EIF2B4: variants seen among roughly 807,000 people sequenced by gnomAD.
EIF2B4 encodes translation initiation factor eIF2B subunit delta.
In EIF2B4, 34 loss-of-function variants were observed where a neutral mutation model predicts 66.7. The ratio of observed to expected loss-of-function variants is 0.51; its 90% confidence interval spans 0.39 to 0.68. EIF2B4 has a LOEUF of 0.68. Among genes scored for constraint, EIF2B4 ranks in the 30% least tolerant of loss-of-function variants. EIF2B4 has a pLI of 0.00. For synonymous variants in EIF2B4, 278 were observed against 253.6 expected (o/e 1.10, Z -0.92); for missense variants, 618 against 657.9 (o/e 0.94, Z 0.66).
At chr2:27,366,324 C>G (rs1041627191) in intron 11 of EIF2B4, 1 of 271,602 alleles carries the variant, frequency 3.7e-6, no homozygotes, top group East Asian at 9.1e-5. Context: ...ATCCTCCTGC[C>G]TTAGTGCTGA....
chr2:27,369,740 G>A (rs1447251090), intron 2 of EIF2B4, 136 bp downstream of exon 2: 2 of 1,436,824 alleles, frequency 1.4e-6, no homozygotes, highest in East Asian at 2.4e-5. Context: ...TATCCCTAGG[G>A]TTGCAAGACC....
In EIF2B4 at chr2:27,364,357, G is replaced by C. The variant is rs756863469; in HGVS notation, c.*43C>G. 8.8e-6 allele frequency: 14 copies of C among 1,593,064 alleles called. No individual in the cohort carries two copies. Among genetic ancestry groups the C allele is most frequent in the Non-Finnish European group, 1.1e-5 (13 of 1,164,366 alleles). The stretch of plus-strand genomic sequence containing the variant: ...GAGAAACAAAGGCAGCAGAGTTGCT[G>C]AGGGTAGGGAGTATGGCATTTATTA... On this transcript the variant is annotated 3_prime_UTR_variant, in exon 13 of 13. Coordinates refer to ENST00000347454, the MANE Select transcript of EIF2B4 (RefSeq NM_001034116.2).
rs1467062731 is a variant in EIF2B4, at chr2:27,368,676, A to G, written c.476T>C (p.Val159Ala). ...QVDDLLLRRLVKKPERQQVPT... is the reference protein window; with the variant it reads ...QVDDLLLRRLAKKPERQQVPT... ...TACCTGTTGACGCTCTGGTTTTTTA[A>G]CAAGCCTTCTCAGAAGTAGGTCATC... The change falls in exon 5 of 13, where the codon GTT (valine) becomes GCT (alanine). Residue 159 changes from valine (V) to alanine (A), a missense_variant. By Grantham distance (64) the Val-to-Ala change is moderately conservative (BLOSUM62 0). This residue lies in a region of EIF2B4 where 506 missense variants were observed against 511.9 expected (regional missense o/e 0.99). Coordinates refer to ENST00000347454, the MANE Select transcript of EIF2B4 (RefSeq NM_001034116.2). 1 of 1,613,986 alleles carries G rather than the reference A, an allele frequency of 6.2e-7. No homozygotes were observed. The highest frequency in any genetic ancestry group is 1.3e-5 in the African/African-American group (1 of 74,894).
intron 6 of EIF2B4, 81 bp from the exon 7 acceptor site, chr2:27,368,220 C>G (rs1438978404): frequency 7.5e-7 from 1 of 1,338,442 alleles, no homozygotes. Context: ...AAAGGAACTC[C>G]CTTCACTAGC....
Position 27,368,668 on chromosome 2 carries a change from GTTT to G in EIF2B4, c.481_483del (p.Lys161del), listed in dbSNP as rs1413406108. 2.5e-6 allele frequency: 4 copies of G among 1,614,140 alleles called. No individual in the cohort carries two copies. In the Middle Eastern group the frequency reaches 4.9e-4, roughly 200 times the overall value. On this transcript the variant is annotated inframe_deletion, in exon 5 of 13. Coordinates refer to ENST00000347454, the MANE Select transcript of EIF2B4 (RefSeq NM_001034116.2). ...CCACTTCCTACCTGTTGACGCTCTG[GTTT>G]TTTAACAAGCCTTCTCAGAAGTAGG...
rs1682121708 is a variant in EIF2B4 at position 27,369,123 on chromosome 2, G to C, written c.301C>G (p.Arg101Gly). 1 of 1,613,756 alleles carries C rather than the reference G, an allele frequency of 6.2e-7. No individual in the cohort carries two copies. Among genetic ancestry groups the C allele is most frequent in the African/African-American group, 1.3e-5 (1 of 74,804 alleles). The change falls in exon 4 of 13, where the codon CGG becomes GGG. Residue 101 changes from arginine to glycine, a missense_variant. Arg to Gly is a moderately radical substitution (Grantham distance 125, BLOSUM62 -2). This residue lies in a region of EIF2B4 where 506 missense variants were observed against 511.9 expected (regional missense o/e 0.99). Transcript: ENST00000347454. ...TCCTGCTTGGCTCGACGCTCAGCCC[G>C]AAGTTCGGCCTTACTCCGACCAGCT... ...VPAGRSKAEL[R>G]AERRAKQEAE...
chr2:27,367,771 C>T lies in EIF2B4; in HGVS notation c.757G>A (p.Val253Met), dbSNP rs940528953. The change falls in exon 8 of 13, where the codon GTG becomes ATG. Residue 253 changes from valine to methionine, a missense_variant. Transcript: ENST00000347454. Reference protein sequence around the residue: ...PPNEELSRDLVNKLKPYMSFL... With the variant: ...PPNEELSRDLMNKLKPYMSFL... ...CTCATGTAGGGTTTTAGTTTATTCA[C>T]TAGATCCCTGGAGAGTTCTTCATTA... 1.2e-6 allele frequency: 2 copies of T among 1,614,022 alleles called. No individual in the cohort carries two copies. The highest frequency in any genetic ancestry group is 1.7e-6 in the Non-Finnish European group (2 of 1,180,022).
chr2:27,364,993 A>C, intron 11 of EIF2B4, 95 bp from the exon 12 acceptor site: 11 of 1,216,532 alleles, frequency 9.0e-6, no homozygotes, highest in Middle Eastern at 1.9e-4. Context: ...TAAGACAAGT[A>C]ATAAATCTCA....
At chr2:27,365,152 G>T (rs922466275) in intron 11 of EIF2B4, 2 of 418,650 alleles carry the variant, frequency 4.8e-6, no homozygotes, top group Non-Finnish European at 4.5e-6. Flanking sequence ...TGCCTCCTGG[G>T]TTCAAGTGAT....
intron 12 of EIF2B4, 56 bp from the exon 13 acceptor site, chr2:27,364,655 C>T (rs1444055867): frequency 1.1e-5 from 17 of 1,613,880 alleles, no homozygotes; most frequent in Middle Eastern, 1.6e-4. Flanking sequence ...CTAGTTTATC[C>T]GCCCCTCTCC....
intron 4 of EIF2B4, 64 bp from the exon 5 acceptor site, chr2:27,368,797 G>C: frequency 1.9e-6 from 3 of 1,561,276 alleles, no homozygotes; most frequent in Non-Finnish European, 2.6e-6. Context: ...TTGCTCTTAG[G>C]GTATAAGGGG....
At position 27,364,750 on chromosome 2, in the gene EIF2B4, A is replaced by G; in HGVS notation, c.1340T>C (p.Val447Ala). Residue 447 changes from valine (V) to alanine (A), a missense_variant, in exon 12 of 13, where the codon GTG becomes GCG. Physicochemically the swap from Val to Ala is moderately conservative, Grantham distance 64. Coordinates refer to ENST00000347454, the MANE Select transcript of EIF2B4 (RefSeq NM_001034116.2). ...CCETYKFCER[V>A]QTDAFVSNEL... ...ATTAGAGACAAAGGCATCAGTCTGCACACGCTCACAGAACTTGTATGTTTC... is the reference window on the plus strand; with the variant it reads ...ATTAGAGACAAAGGCATCAGTCTGCGCACGCTCACAGAACTTGTATGTTTC... The G allele has an allele frequency of 6.2e-7, 1 of 1,614,200 alleles. No homozygotes were observed. The highest frequency in any genetic ancestry group is 8.5e-7 in the Non-Finnish European group (1 of 1,180,030).
intron 11 of EIF2B4, 29 bp downstream of exon 11, chr2:27,366,730 A>C (rs1450873281): frequency 6.2e-7 from 1 of 1,613,850 alleles, no homozygotes; most frequent in Non-Finnish European, 8.5e-7. Context: ...TTCACCGCCA[A>C]CTTTGGAGTC....
rs914750494 is a variant in EIF2B4 at position 27,368,562 on chromosome 2, A to G, written c.498+92T>C. ...ACAGTAAGACTACTCTGACCCAAGC[A>G]CCTATCCTTCTCACTTTGCACCCAG... is the stretch of plus-strand genomic sequence containing the variant. On this transcript the variant is annotated intron_variant, in intron 5 of 12. Coordinates refer to ENST00000347454, the MANE Select transcript of EIF2B4 (RefSeq NM_001034116.2). The G allele has an allele frequency of 1.9e-6, 3 of 1,562,270 alleles. No homozygotes were observed. In the Middle Eastern group the frequency reaches 5.0e-4, roughly 261 times the overall value.
At position 27,364,749 on chromosome 2, in the gene EIF2B4, C is replaced by T; in HGVS notation, c.1341G>A (p.Val447=). 6.2e-7 allele frequency: 1 copy of T among 1,614,212 alleles called. No individual in the cohort carries two copies. The highest frequency in any genetic ancestry group is 8.5e-7 in the Non-Finnish European group (1 of 1,180,042). ...CATTAGAGACAAAGGCATCAGTCTG[C>T]ACACGCTCACAGAACTTGTATGTTT... ...CCETYKFCER[V]QTDAFVSNEL... Residue 447 remains valine (V), a synonymous_variant, in exon 12 of 13, where the codon GTG becomes GTA. Coordinates refer to ENST00000347454, the MANE Select transcript of EIF2B4 (RefSeq NM_001034116.2).
At position 27,369,278 on chromosome 2, in the gene EIF2B4, T is replaced by C. The variant is rs1682144374; in HGVS notation, c.212-66A>G. 6 of 1,606,380 alleles carry C rather than the reference T, an allele frequency of 3.7e-6. No individual in the cohort carries two copies. The Admixed American group carries it at 8.3e-5, about 22-fold the overall frequency. ...GTGATATCCGTGCCCCAGCTAAAAC[T>C]AGCTTCTCTCCTTGTAAACCTCTTT... On this transcript the variant is annotated intron_variant, in intron 3 of 12. Coordinates refer to ENST00000347454, the MANE Select transcript of EIF2B4 (RefSeq NM_001034116.2).
At chr2:27,369,679 C>T (rs1049303079) in intron 2 of EIF2B4, 130 bp from the exon 3 acceptor site, 6 of 1,537,992 alleles carry the variant, frequency 3.9e-6, no homozygotes, top group Non-Finnish European at 5.4e-6. Flanking sequence ...CTACCTGTTG[C>T]AAGCTTACAT....
At chr2:27,366,737 A>G in intron 11 of EIF2B4, 22 bp downstream of exon 11, 1 of 1,614,062 alleles carries the variant, frequency 6.2e-7, no homozygotes, top group Non-Finnish European at 8.5e-7. Context: ...CCAACTTTGG[A>G]GTCCTTTTCC....
rs775819795 is a variant in EIF2B4 at position 27,368,662 on chromosome 2, G to A, written c.490C>T (p.Arg164Cys). The A allele has an allele frequency of 7.4e-6, 12 of 1,613,958 alleles. No individual in the cohort carries two copies. The highest frequency in any genetic ancestry group is 3.3e-5 in the Admixed American group (2 of 59,988). The change falls in exon 5 of 13, where the codon CGT becomes TGT. Residue 164 changes from arginine (R) to cysteine (C), a missense_variant. Arg to Cys is a radical substitution (Grantham distance 180). This residue lies in a region of EIF2B4 where 506 missense variants were observed against 511.9 expected (regional missense o/e 0.99). Transcript: ENST00000347454. ...CCAAACCCACTTCCTACCTGTTGACGCTCTGGTTTTTTAACAAGCCTTCTC... is the reference window on the plus strand; with the variant it reads ...CCAAACCCACTTCCTACCTGTTGACACTCTGGTTTTTTAACAAGCCTTCTC... ...LLRRLVKKPE[R>C]QQVPTRKDYG...
Sources: gnomAD v4.1 joint callset for allele counts on GRCh38, gnomAD v4.1.1 for gene constraint, gnomAD v4.1.1 regional missense constraint, MANE v1.5 for transcripts, NCBI Gene and HGNC (gene_info 2026-07-23, HGNC 2026-07-21) for gene names.